PDSS1: variants seen among roughly 807,000 people sequenced by gnomAD.
PDSS1 encodes all trans-polyprenyl-diphosphate synthase PDSS1.
In PDSS1, 43 loss-of-function variants were observed where a neutral mutation model predicts 57.5. The ratio of observed to expected loss-of-function variants is 0.75; its 90% CI spans 0.59 to 0.96. The LOEUF is 0.96. Ranked by LOEUF, PDSS1 falls within the 50% of genes least tolerant of loss-of-function variation. The pLI is 0.00. For synonymous variants in PDSS1, 175 were observed against 191.3 expected (o/e 0.91, Z 0.70); for missense variants, 438 against 527.8 (o/e 0.83, Z 1.67).
rs529897731 is a variant in PDSS1, at chr10:26,745,312, C to A, written c.1108-1021C>A. Among the ~76,000 whole-genome samples the A allele has an allele frequency of 3.3e-5, 5 of 152,186 alleles. No individual in the cohort carries two copies. The South Asian group carries it at 1.0e-3, about 32-fold the overall frequency. On this transcript the variant is annotated intron_variant, in intron 11 of 11. Transcript: ENST00000376215. ...ATTAGTATTTGGCTTTTAGAAAGAA[C>A]CAATATTTTAAAACATGGTTATAGA... is the stretch of plus-strand genomic sequence containing the variant.
intron 8 of PDSS1, among the ~76,000 whole-genome samples, chr10:26,730,934 G>T (rs1417612972): frequency 2.6e-5 from 4 of 152,110 alleles, no homozygotes; most frequent in Non-Finnish European, 5.9e-5. Context: ...TAAAACCACT[G>T]TATCAGGGCT....
At chr10:26,721,423 T>TATATACACACACAC (rs10645608) in intron 6 of PDSS1, among the ~76,000 whole-genome samples, 7 of 149,266 alleles carry the variant, frequency 4.7e-5, no homozygotes, top group Middle Eastern at 3.2e-3. Context: ...GATATATGTA[T>TATATACACACACAC]ACACACACAC....
chr10:26,729,232 A>C (rs564308857), intron 8 of PDSS1, among the ~76,000 whole-genome samples: 1 of 152,238 alleles, frequency 6.6e-6, no homozygotes, highest in African/African-American at 2.4e-5. Flanking sequence ...CAGCCCTGTT[A>C]TTCACTGTTC....
At chr10:26,708,967 C>A (rs1206528292) in intron 4 of PDSS1, among the ~76,000 whole-genome samples, 1 of 152,244 alleles carries the variant, frequency 6.6e-6, no homozygotes, top group Non-Finnish European at 1.5e-5. Context: ...TTTCAAGCTG[C>A]GAACCAGCCC....
At chr10:26,710,294 G>A in intron 5 of PDSS1, among the ~76,000 whole-genome samples, 1 of 86,452 alleles carries the variant, frequency 1.2e-5, no homozygotes, top group Admixed American at 1.4e-4. Flanking sequence ...CGCCCAGGCT[G>A]GAGTGCAGTG....
chr10:26,722,461 T>A (rs781128182), intron 6 of PDSS1, among the ~76,000 whole-genome samples: 4 of 152,130 alleles, frequency 2.6e-5, no homozygotes, highest in Non-Finnish European at 5.9e-5. Flanking sequence ...TCCTAGCACT[T>A]TGGGAGGCCG....
intron 5 of PDSS1, chr10:26,714,823 G>C (rs918663892): frequency 6.6e-6 from 1 of 152,144 alleles, no homozygotes; most frequent in African/African-American, 2.4e-5. Flanking sequence ...ATGTTTAGGG[G>C]GTCAAATTAT....
chr10:26,701,940 G>C (rs1415366196), intron 1 of PDSS1: 2 of 427,902 alleles, frequency 4.7e-6, no homozygotes, highest in Admixed American at 2.5e-5. Flanking sequence ...CCAAGTTCTT[G>C]GGAGCCCACC....
At chr10:26,743,862 A>G (rs1020417052) in intron 11 of PDSS1, among the ~76,000 whole-genome samples, 2 of 152,206 alleles carry the variant, frequency 1.3e-5, no homozygotes, top group African/African-American at 4.8e-5. Flanking sequence ...AGTTGACTAA[A>G]GCTTGCTGAA....
chr10:26,735,806 C>T (rs1351778631), intron 10 of PDSS1, among the ~76,000 whole-genome samples: 1 of 152,116 alleles, frequency 6.6e-6, no homozygotes, highest in Non-Finnish European at 1.5e-5. Context: ...ACCTTTCTCC[C>T]AGGGTGGTTG....
At chr10:26,701,309 A>G (rs760441759) in intron 1 of PDSS1, among the ~76,000 whole-genome samples, 5 of 152,240 alleles carry the variant, frequency 3.3e-5, no homozygotes, top group Non-Finnish European at 7.3e-5. Flanking sequence ...CAAGGAGCCG[A>G]ATGTTAATAG....
rs1180249938 is a variant in PDSS1 at position 26,727,188 on chromosome 10, CAG to C, written c.831+3066_831+3067del. Among the ~76,000 whole-genome samples, 8 of 152,176 alleles carry C rather than the reference CAG, an allele frequency of 5.3e-5. No individual in the cohort carries two copies. The East Asian group carries it at 1.3e-3, about 26-fold the overall frequency. On this transcript the variant is annotated intron_variant, in intron 8 of 11. Coordinates refer to ENST00000376215, the MANE Select transcript of PDSS1 (RefSeq NM_014317.5). ...ACATTTTGTAGTTTACTAATAAAGACAGTGGCTTGTTTCCCAGGAAATCTGGT... is the reference window on the plus strand; with the variant it reads ...ACATTTTGTAGTTTACTAATAAAGACTGGCTTGTTTCCCAGGAAATCTGGT...
rs1836965481 is a variant in PDSS1, at chr10:26,746,758, A to G, written c.*285A>G. 1 of 442,432 alleles carries G rather than the reference A, an allele frequency of 2.3e-6. No homozygotes were observed. The highest frequency in any genetic ancestry group is 4.2e-6 in the Non-Finnish European group (1 of 238,412). 27.4% of individuals were successfully genotyped at this position (442,432 alleles called of 1,614,324 possible). A position where few individuals can be genotyped will look rare whatever the true frequency, so the allele number is the denominator to read the frequency against. ...GTTTACACTGTTAATATCCACATGT[A>G]AGGCCATTACACAAATAAATAACCA... On this transcript the variant is annotated 3_prime_UTR_variant, in exon 12 of 12. Transcript: ENST00000376215.
chr10:26,697,846 G>T lies in PDSS1; in HGVS notation c.129+6G>T, dbSNP rs1213747727. The T allele has an allele frequency of 1.5e-6, 2 of 1,318,250 alleles. No individual in the cohort carries two copies. The highest frequency in any genetic ancestry group is 2.9e-5 in the Admixed American group (1 of 34,756). The allele number at this position is 1,318,250 out of a possible 1,614,324, so 81.7% of individuals were successfully genotyped here. Reference sequence around the variant, plus strand: ...CTGCCGAAGTCCGCGCGCAGGTGAGGTTGGGAGGCGCGCGCCCGGCGGGGC... The same window carrying T: ...CTGCCGAAGTCCGCGCGCAGGTGAGTTTGGGAGGCGCGCGCCCGGCGGGGC... On this transcript the variant is annotated splice_donor_region_variant and intron_variant, in intron 1 of 11. Coordinates refer to ENST00000376215, the MANE Select transcript of PDSS1 (RefSeq NM_014317.5).
At position 26,746,540 on chromosome 10, in the gene PDSS1, C is replaced by T; in HGVS notation, c.*67C>T. ...TGCCTAAAGAATTTTGTGGAATACA[C>T]TTTGTTTGCTTCATGTGCAGATAAC... On this transcript the variant is annotated 3_prime_UTR_variant, in exon 12 of 12. Transcript: ENST00000376215. The T allele has an allele frequency of 6.6e-7, 1 of 1,520,596 alleles. No homozygotes were observed. Among genetic ancestry groups the T allele is most frequent in the Non-Finnish European group, 9.1e-7 (1 of 1,096,274 alleles). The allele number at this position is 1,520,596 out of a possible 1,614,324, so 94.2% of individuals were successfully genotyped here.
In PDSS1 at chr10:26,720,296, T is replaced by A. The variant is rs1202239830; in HGVS notation, c.546T>A (p.Val182=). 6.2e-7 allele frequency: 1 copy of A among 1,614,172 alleles called. No individual in the cohort carries two copies. The highest frequency in any genetic ancestry group is 1.1e-5 in the South Asian group (1 of 91,088). Residue 182 remains valine, a synonymous_variant, in exon 6 of 12, where the codon GTT becomes GTA. Coordinates refer to ENST00000376215, the MANE Select transcript of PDSS1 (RefSeq NM_014317.5). ...CTGCTAGTCTGGTTCACGATGACGT[T>A]ATTGACGATGCAAGTTCTCGAAGAG... is the stretch of plus-strand genomic sequence containing the variant. ...IHTASLVHDD[V]IDDASSRRGK...
intron 10 of PDSS1, among the ~76,000 whole-genome samples, chr10:26,736,014 A>G (rs947542540): frequency 1.3e-5 from 2 of 152,194 alleles, no homozygotes; most frequent in Non-Finnish European, 1.5e-5. Context: ...GCCTCCAAGC[A>G]TAAGAAATTC....
intron 8 of PDSS1, among the ~76,000 whole-genome samples, chr10:26,727,059 C>CA (rs146269922): frequency 0.04 from 2,653 of 66,022 alleles, 77 homozygotes; most frequent in African/African-American, 0.12. Context: ...GAGAGTCTCT[C>CA]AAAAAAAAAA....
intron 8 of PDSS1, among the ~76,000 whole-genome samples, chr10:26,728,424 A>T (rs952352761): frequency 6.6e-6 from 1 of 152,018 alleles, no homozygotes; most frequent in Non-Finnish European, 1.5e-5. Flanking sequence ...CGGGAGGCGG[A>T]GGTTGCAGTG....
Sources: gnomAD v4.1 joint callset for allele counts (sites outside exome capture counted in the v4.1 genomes callset) on GRCh38, gnomAD v4.1.1 for gene constraint, MANE v1.5 for transcripts, NCBI Gene and HGNC (gene_info 2026-07-23, HGNC 2026-07-21) for gene names.